Variants in CCDC73 observed in about 807,000 individuals in gnomAD.
CCDC73 encodes coiled-coil domain-containing protein 73.
In CCDC73, 95 loss-of-function variants were observed where a neutral mutation model predicts 116.5. The ratio of observed to expected loss-of-function variants is 0.82; its 90% confidence interval spans 0.69 to 0.97. The LOEUF (loss-of-function observed/expected upper bound fraction) is 0.97, where lower values mean the gene tolerates loss of function less well. CCDC73 is among the 50% of genes least tolerant of loss of function. The pLI, the probability that CCDC73 is intolerant of heterozygous loss-of-function variation, is 0.00. For missense variants in CCDC73, 1,066 were observed against 1,206.8 expected, an observed-to-expected ratio of 0.88 and a Z score of 1.73; for synonymous variants, 398 against 401.3, an observed-to-expected ratio of 0.99 and a Z score of 0.10.
At chr11:32,823,756 T>G in the CCDC73 span, among the ~76,000 whole-genome samples, 37 of 152,172 alleles carry the variant, frequency 2.4e-4, no homozygotes, top group Non-Finnish European at 3.7e-4. Flanking sequence ...AAATTTTTTT[T>G]TTAAACAGGA....
chr11:32,694,902 C>T (rs1856294946), intron 6 of CCDC73, among the ~76,000 whole-genome samples: 1 of 152,062 alleles, frequency 6.6e-6, no homozygotes, highest in Non-Finnish European at 1.5e-5. Context: ...AGTGGTGTGC[C>T]GCAGTGTGTC....
intron 1 of CCDC73, among the ~76,000 whole-genome samples, chr11:32,764,094 C>G (rs1850418465): frequency 6.6e-6 from 1 of 152,040 alleles, no homozygotes; most frequent in South Asian, 2.1e-4. Flanking sequence ...ACAAAGCCTC[C>G]AAGAAATATG....
intron 9 of CCDC73, among the ~76,000 whole-genome samples, chr11:32,660,144 A>G (rs1211561213): frequency 1.3e-5 from 2 of 151,968 alleles, no homozygotes; most frequent in Non-Finnish European, 2.9e-5. Context: ...CCATTATGCA[A>G]AACAAAGTGA....
chr11:32,764,800 T>G (rs1212919158), intron 1 of CCDC73, among the ~76,000 whole-genome samples: 1 of 152,118 alleles, frequency 6.6e-6, no homozygotes, highest in East Asian at 1.9e-4. Flanking sequence ...AATGCTCCAA[T>G]TAAAAGACAC....
At chr11:32,697,566 C>G in intron 6 of CCDC73, among the ~76,000 whole-genome samples, 1 of 149,340 alleles carries the variant, frequency 6.7e-6, no homozygotes, top group East Asian at 2.0e-4. Context: ...TCACTGCAAC[C>G]TCTGCCTCCC....
At chr11:32,649,387 C>G (rs551285112) in intron 12 of CCDC73, among the ~76,000 whole-genome samples, 89 of 152,152 alleles carry the variant, frequency 5.8e-4, no homozygotes, top group Non-Finnish European at 1.1e-3. Flanking sequence ...CTGGACTAAA[C>G]TATAATTAAA....
At chr11:32,762,119 G>A (rs1850397354) in intron 1 of CCDC73, among the ~76,000 whole-genome samples, 1 of 152,144 alleles carries the variant, frequency 6.6e-6, no homozygotes, top group African/African-American at 2.4e-5. Flanking sequence ...ACCTAGCCAA[G>A]TTGACACATA....
chr11:32,773,619 AAC>A (rs150048304), intron 1 of CCDC73, among the ~76,000 whole-genome samples: 13 of 150,380 alleles, frequency 8.6e-5, no homozygotes, highest in African/African-American at 1.2e-4. Context: ...CATCTTCACA[AAC>A]ACACACACAC....
intron 9 of CCDC73, among the ~76,000 whole-genome samples, chr11:32,665,005 G>C (rs1011308823): frequency 1.3e-5 from 2 of 152,176 alleles, no homozygotes; most frequent in African/African-American, 4.8e-5. Context: ...TAATTTGATT[G>C]CACTGTGGTT....
intron 14 of CCDC73, among the ~76,000 whole-genome samples, chr11:32,620,765 T>C (rs1433471372): frequency 6.6e-6 from 1 of 152,122 alleles, no homozygotes; most frequent in Non-Finnish European, 1.5e-5. Flanking sequence ...TAGGCCATTT[T>C]AGAGGCTGCC....
At chr11:32,829,402 A>G in the CCDC73 span, among the ~76,000 whole-genome samples, 30,885 of 152,248 alleles carry the variant, frequency 0.2, 3,469 homozygotes, top group East Asian at 0.55. Context: ...TTGCCCTCAG[A>G]GACCCCTGGA....
the CCDC73 span, among the ~76,000 whole-genome samples, chr11:32,826,662 A>AC: frequency 1.8e-5 from 1 of 55,016 alleles, no homozygotes; most frequent in East Asian, 5.1e-4. Context: ...AAAAAAAACA[A>AC]AAAAAAAAAC....
chr11:32,817,920 T>C, the CCDC73 span, among the ~76,000 whole-genome samples: 2 of 152,234 alleles, frequency 1.3e-5, no homozygotes, highest in African/African-American at 4.8e-5. Context: ...ATATTGTTAA[T>C]TAATCATCAC....
At chr11:32,630,056 T>C (rs755335486) in intron 14 of CCDC73, among the ~76,000 whole-genome samples, 29 of 151,968 alleles carry the variant, frequency 1.9e-4, no homozygotes, top group Admixed American at 3.9e-4. Flanking sequence ...ATAGAAAAGA[T>C]ACTTTATCTC....
Position 32,691,782 on chromosome 11 carries a change from C to T in CCDC73, c.390+7469G>A, listed in dbSNP as rs998791598. On this transcript the variant is annotated intron_variant, in intron 6 of 17. Coordinates refer to ENST00000335185, the MANE Select transcript of CCDC73 (RefSeq NM_001008391.4). ...CAAAAAAGTCAGCCGGGCACAGTGG[C>T]TCACGCCTGTAATCCTAGCACTTTG... Among the ~76,000 whole-genome samples, 9 of 152,258 alleles carry T rather than the reference C, an allele frequency of 5.9e-5. 2 individuals carry two copies. Among genetic ancestry groups the T allele is most frequent in the Admixed American group, 4.6e-4 (7 of 15,300 alleles).
intron 2 of CCDC73, among the ~76,000 whole-genome samples, chr11:32,747,713 A>G (rs1850252474): frequency 6.6e-6 from 1 of 152,206 alleles, no homozygotes; most frequent in African/African-American, 2.4e-5. Context: ...AGACTGCTGC[A>G]CTAGCAAGCA....
chr11:32,825,514 C>T, the CCDC73 span, among the ~76,000 whole-genome samples: 2 of 151,982 alleles, frequency 1.3e-5, no homozygotes, highest in Admixed American at 6.6e-5. Context: ...GTTGGTCAGG[C>T]TGGTCTCGAA....
chr11:32,707,253 C>CA (rs1849863403), intron 3 of CCDC73, among the ~76,000 whole-genome samples: 1 of 151,924 alleles, frequency 6.6e-6, no homozygotes, highest in Non-Finnish European at 1.5e-5. Flanking sequence ...GTTTCCCAGT[C>CA]AAAAAACCCA....
At chr11:32,734,776 T>C (rs1259800001) in intron 2 of CCDC73, among the ~76,000 whole-genome samples, 4 of 152,160 alleles carry the variant, frequency 2.6e-5, no homozygotes, top group African/African-American at 9.7e-5. Flanking sequence ...CTCAATAAAA[T>C]ACTGGCAAAC....
Sources: allele counts gnomAD v4.1 joint callset (sites outside exome capture counted in the v4.1 genomes callset), GRCh38; gene constraint gnomAD v4.1.1; transcripts MANE v1.5; gene names NCBI Gene and HGNC (gene_info 2026-07-23, HGNC 2026-07-21).